Variants in METRNL observed in about 807,000 individuals in gnomAD.
METRNL encodes the protein meteorin-like protein.
A neutral mutation model predicts 17.4 loss-of-function variants in METRNL; 9 were observed. The observed-to-expected ratio is 0.52, with a 90% confidence interval of 0.31 to 0.90. The LOEUF (loss-of-function observed/expected upper bound fraction) is 0.90. METRNL is among the 40% of genes least tolerant of loss of function. The pLI, the probability that METRNL is intolerant of heterozygous loss-of-function variation, is 0.05. For synonymous variants in METRNL, 215 were observed against 199.3 expected, an observed-to-expected ratio of 1.08 and a Z score of -0.66; for missense variants, 408 against 430.7, an observed-to-expected ratio of 0.95 and a Z score of 0.47.
chr17:83,094,441 G>T lies in METRNL; in HGVS notation c.802G>T (p.Asp268Tyr). The T allele has an allele frequency of 6.3e-7, 1 of 1,597,276 alleles. No homozygotes were observed. The highest frequency in any genetic ancestry group is 8.6e-7 in the Non-Finnish European group (1 of 1,167,968). ...LECGVRPGHGDFLFTGHMHFG... is the reference protein window; with the variant it reads ...LECGVRPGHGYFLFTGHMHFG... The stretch of plus-strand genomic sequence containing the variant: ...GTGTGGCGTGCGGCCGGGGCATGGC[G>T]ACTTCCTCTTCACTGGCCACATGCA... Residue 268 changes from aspartate (D) to tyrosine (Y), a missense_variant, in exon 4 of 4, where the codon GAC becomes TAC. Transcript: ENST00000320095.
rs1289155420 is a variant in METRNL at position 83,094,653 on chromosome 17, G to A, written c.*78G>A. 4 of 1,240,402 alleles carry A rather than the reference G, an allele frequency of 3.2e-6. No homozygotes were observed. Among genetic ancestry groups the A allele is most frequent in the Non-Finnish European group, 4.2e-6 (4 of 951,934 alleles). The allele number at this position is 1,240,402 out of a possible 1,614,324, so 76.8% of individuals were successfully genotyped here. On this transcript the variant is annotated 3_prime_UTR_variant, in exon 4 of 4. Transcript: ENST00000320095. The stretch of plus-strand genomic sequence containing the variant: ...GCTGCGGTCCTGGTGGGGCCGTGCG[G>A]TGAGGGCCGCGCGCTGGGAGCCGCA...
chr17:83,089,423 C>T (rs963845619), intron 2 of METRNL, among the ~76,000 whole-genome samples: 24 of 152,292 alleles, frequency 1.6e-4, no homozygotes, highest in African/African-American at 4.3e-4. Flanking sequence ...CCGGACCGGT[C>T]GGTGTCTGTC....
chr17:83,088,533 A>G (rs908988122), intron 2 of METRNL, among the ~76,000 whole-genome samples: 2 of 152,234 alleles, frequency 1.3e-5, no homozygotes, highest in East Asian at 3.9e-4. Flanking sequence ...GGCTCTGTGT[A>G]AGGCCCCCCA....
At chr17:83,091,756 C>T (rs1422956772) in intron 2 of METRNL, among the ~76,000 whole-genome samples, 2 of 152,186 alleles carry the variant, frequency 1.3e-5, no homozygotes, top group African/African-American at 4.8e-5. Context: ...TGGCCAGGGA[C>T]GTTTCAGAGC....
chr17:83,084,852 G>C (rs919426153), intron 1 of METRNL, 86 bp from the exon 2 acceptor site: 1 of 1,505,764 alleles, frequency 6.6e-7, no homozygotes, highest in East Asian at 2.3e-5. Flanking sequence ...TTTGGAGCGG[G>C]TATCGTCCTC....
At chr17:83,080,099 C>CG in intron 1 of METRNL, 114 bp downstream of exon 1, 2 of 496,418 alleles carry the variant, frequency 4.0e-6, no homozygotes, top group Non-Finnish European at 2.6e-6. Context: ...GCAGGGGCTC[C>CG]GGGGGCCGCT....
Position 83,093,858 on chromosome 17 carries a change from G to A in METRNL, c.617-398G>A, listed in dbSNP as rs559366081. On this transcript the variant is annotated intron_variant, in intron 3 of 3. Transcript: ENST00000320095. ...CTGCTTTCCCGGCCCCTGGCATGGA[G>A]TTGGGGCTGGGCAGGGGTCTCCAAG... Among the ~76,000 whole-genome samples, 42 of 152,362 alleles carry A rather than the reference G, an allele frequency of 2.8e-4. No individual in the cohort carries two copies. In the South Asian group the frequency reaches 7.9e-3, roughly 29 times the overall value.
chr17:83,087,291 G>C (rs1021627306), intron 2 of METRNL, among the ~76,000 whole-genome samples: 1 of 152,192 alleles, frequency 6.6e-6, no homozygotes, highest in Non-Finnish European at 1.5e-5. Flanking sequence ...CCAGTGCCCT[G>C]TGGGTGGTGG....
intron 2 of METRNL, among the ~76,000 whole-genome samples, chr17:83,087,589 C>T (rs1171062157): frequency 6.6e-6 from 1 of 152,244 alleles, no homozygotes; most frequent in Admixed American, 6.5e-5. Context: ...GCCTTTAATG[C>T]TGCAGGAATG....
At chr17:83,092,938 G>A (rs1600494554) in intron 2 of METRNL, among the ~76,000 whole-genome samples, 1 of 152,178 alleles carries the variant, frequency 6.6e-6, no homozygotes, top group South Asian at 2.1e-4. Context: ...GGTCCCCTGG[G>A]TGAGACCCCG....
intron 2 of METRNL, among the ~76,000 whole-genome samples, chr17:83,087,922 G>A (rs1235498348): frequency 6.6e-6 from 1 of 152,228 alleles, no homozygotes; most frequent in South Asian, 2.1e-4. Flanking sequence ...GAGAGGGTGT[G>A]TGAGCCCCGT....
intron 2 of METRNL, among the ~76,000 whole-genome samples, chr17:83,090,803 A>G (rs1412526915): frequency 6.6e-6 from 1 of 151,864 alleles, no homozygotes; most frequent in African/African-American, 2.4e-5. Flanking sequence ...TGTGGAGGAT[A>G]AAAGTGCTGC....
At chr17:83,089,943 G>A (rs934357485) in intron 2 of METRNL, among the ~76,000 whole-genome samples, 1 of 151,798 alleles carries the variant, frequency 6.6e-6, no homozygotes, top group African/African-American at 2.4e-5. Flanking sequence ...TCAGCCGGGT[G>A]AGCCAGGGCG....
In METRNL at chr17:83,079,817, T is replaced by TGCGGG; in HGVS notation, c.6_10dup (p.Ala4?). The TGCGGG allele has an allele frequency of 2.1e-6, 2 of 968,066 alleles. No individual in the cohort carries two copies. Among genetic ancestry groups the TGCGGG allele is most frequent in the Non-Finnish European group, 2.4e-6 (2 of 823,338 alleles). 60.0% of individuals were successfully genotyped at this position (968,066 alleles called of 1,614,324 possible). ...GGGCGGCGGAGCCGGCGCCAGAGCATGCGGGGCGCGGCGCGGGCGGCCTGG... is the reference window on the plus strand; with the variant it reads ...GGGCGGCGGAGCCGGCGCCAGAGCATGCGGGGCGGGGCGCGGCGCGGGCGGCCTGG... On this transcript the variant is annotated frameshift_variant and start_lost, in exon 1 of 4. Coordinates refer to ENST00000320095, the MANE Select transcript of METRNL (RefSeq NM_001004431.3). LOFTEE classifies it high-confidence loss of function.
chr17:83,079,748 T>C lies in METRNL; in HGVS notation c.-68T>C, dbSNP rs1235296562. ...GAAGCCCGCCCCGCCCCCGCCCGGC[T>C]CGCCGGCTCCGGGGTCTGCTCCGGG... On this transcript the variant is annotated 5_prime_UTR_variant, in exon 1 of 4. Transcript: ENST00000320095. The C allele has an allele frequency of 2.7e-6, 2 of 751,964 alleles. No individual in the cohort carries two copies. The highest frequency in any genetic ancestry group is 4.0e-5 in the African/African-American group (2 of 49,922). 46.6% of individuals were successfully genotyped at this position (751,964 alleles called of 1,614,324 possible).
chr17:83,080,178 C>G (rs1420522494), intron 1 of METRNL, 193 bp downstream of exon 1: 3 of 186,306 alleles, frequency 1.6e-5, no homozygotes, highest in East Asian at 1.8e-4. Flanking sequence ...CGCGGCGTCC[C>G]GGTTCCCGGC....
chr17:83,093,123 C>G, intron 2 of METRNL, 44 bp from the exon 3 acceptor site: 1 of 1,569,006 alleles, frequency 6.4e-7, no homozygotes, highest in Non-Finnish European at 8.7e-7. Flanking sequence ...GTTCCAGAGC[C>G]TGTCCCGTCC....
intron 1 of METRNL, among the ~76,000 whole-genome samples, chr17:83,081,129 C>G (rs990028450): frequency 6.6e-6 from 1 of 151,766 alleles, no homozygotes; most frequent in Non-Finnish European, 1.5e-5. Context: ...CCGGCTGTCC[C>G]GGGAGCGGCC....
Position 83,085,179 on chromosome 17 carries a change from C to A in METRNL, c.412C>A (p.Pro138Thr). 1 of 1,611,666 alleles carries A rather than the reference C, an allele frequency of 6.2e-7. No homozygotes were observed. Among genetic ancestry groups the A allele is most frequent in the South Asian group, 1.1e-5 (1 of 90,962 alleles). ...GCTGGTACCAGACGGGGACGGCAGG[C>A]CCGGCCGGGTGCAGTGTTTTGGCCT... ...RLLVPDGDGR[P>T]GRVQCFGLEQ... The change falls in exon 2 of 4, where the codon CCC becomes ACC. Residue 138 changes from proline to threonine, a missense_variant. Transcript: ENST00000320095.
Sources: allele counts gnomAD v4.1 joint callset (sites outside exome capture counted in the v4.1 genomes callset), GRCh38; gene constraint gnomAD v4.1.1; transcripts MANE v1.5; gene names NCBI Gene and HGNC (gene_info 2026-07-23, HGNC 2026-07-21).